Variants in WDR70 observed in about 807,000 individuals in gnomAD.
WDR70 encodes WD repeat-containing protein 70.
Under a neutral mutation model 88.6 loss-of-function variants are expected in WDR70, and 53 were observed. The observed-to-expected ratio is 0.60, with a 90% confidence interval of 0.48 to 0.75. The LOEUF (loss-of-function observed/expected upper bound fraction) is 0.75, where lower values mean the gene tolerates loss of function less well. Ranked by LOEUF, WDR70 falls within the 30% of genes least tolerant of loss-of-function variation. WDR70 has a pLI of 0.00. For synonymous variants in WDR70, 280 were observed against 270.0 expected (o/e 1.04, Z -0.36); for missense variants, 610 against 823.2 (o/e 0.74, Z 3.17).
intron 9 of WDR70, among the ~76,000 whole-genome samples, chr5:37,591,614 A>G (rs1188115566): frequency 6.6e-6 from 1 of 152,222 alleles, no homozygotes; most frequent in East Asian, 1.9e-4. Context: ...TACTTTAAGA[A>G]AGAAAAAATT....
rs1270636831 is a variant in WDR70, at chr5:37,721,224, T to TA, written c.1517+11dup. On this transcript the variant is annotated intron_variant, in intron 14 of 17. Coordinates refer to ENST00000265107, the MANE Select transcript of WDR70 (RefSeq NM_018034.4). ...CCCAACAAGAGTCAGAGGTATTTCATAAGTATTGCCTGTTTTAGATGGATG... is the reference window on the plus strand; with the variant it reads ...CCCAACAAGAGTCAGAGGTATTTCATAAAGTATTGCCTGTTTTAGATGGATG... The TA allele has an allele frequency of 1.2e-6, 2 of 1,612,212 alleles. No homozygotes were observed. The highest frequency in any genetic ancestry group is 1.7e-6 in the Non-Finnish European group (2 of 1,178,460).
chr5:37,483,515 C>T (rs769245048), intron 8 of WDR70, among the ~76,000 whole-genome samples: 16 of 152,248 alleles, frequency 1.1e-4, no homozygotes, highest in Admixed American at 2.0e-4. Flanking sequence ...TACACAGACA[C>T]GGCAACCATC....
At chr5:37,568,475 A>G (rs1460292256) in intron 9 of WDR70, among the ~76,000 whole-genome samples, 1 of 152,242 alleles carries the variant, frequency 6.6e-6, no homozygotes, top group Non-Finnish European at 1.5e-5. Flanking sequence ...AATAAACAAG[A>G]ATGCACTATA....
At chr5:37,745,866 C>T (rs1181035616) in intron 17 of WDR70, among the ~76,000 whole-genome samples, 4 of 151,960 alleles carry the variant, frequency 2.6e-5, no homozygotes, top group Admixed American at 6.6e-5. Flanking sequence ...GTTAGATCAA[C>T]GAGACAGAAA....
intron 9 of WDR70, among the ~76,000 whole-genome samples, chr5:37,533,458 C>CACT (rs145804557): frequency 1.5e-5 from 1 of 67,536 alleles, no homozygotes; most frequent in Non-Finnish European, 2.5e-5. Flanking sequence ...ACAAAACAAT[C>CACT]ACCACCACCA....
chr5:37,381,899 C>T (rs578124072), intron 3 of WDR70: 146 of 376,000 alleles, frequency 3.9e-4, no homozygotes, highest in Non-Finnish European at 6.5e-4. Flanking sequence ...ACTAAAAATA[C>T]AATAATTAGC....
chr5:37,475,646 C>A (rs978706748), intron 7 of WDR70, among the ~76,000 whole-genome samples: 2 of 152,134 alleles, frequency 1.3e-5, no homozygotes, highest in African/African-American at 4.8e-5. Flanking sequence ...AATTCACACT[C>A]TCCATATAAA....
At chr5:37,380,337 A>G (rs1748386536) in intron 2 of WDR70, among the ~76,000 whole-genome samples, 5 of 151,074 alleles carry the variant, frequency 3.3e-5, no homozygotes, top group Admixed American at 3.3e-4. Context: ...TAGTTTCTCT[A>G]TTCATTCTTT....
intron 7 of WDR70, among the ~76,000 whole-genome samples, chr5:37,477,855 C>G (rs1354613857): frequency 6.6e-6 from 1 of 152,144 alleles, no homozygotes; most frequent in African/African-American, 2.4e-5. Context: ...TTCTTGCTCA[C>G]CTGATTGAGT....
intron 9 of WDR70, among the ~76,000 whole-genome samples, chr5:37,551,303 T>TC (rs1262510314): frequency 1.4e-5 from 2 of 146,040 alleles, no homozygotes; most frequent in Non-Finnish European, 3.0e-5. Context: ...AAAACTTTGT[T>TC]CCCCCCCTCC....
intron 7 of WDR70, among the ~76,000 whole-genome samples, chr5:37,473,667 G>C (rs1276088306): frequency 6.6e-6 from 1 of 152,040 alleles, no homozygotes; most frequent in Non-Finnish European, 1.5e-5. Context: ...GTTGTCTTTT[G>C]ATATGTTTTA....
chr5:37,671,555 T>G (rs1388741345), intron 10 of WDR70, among the ~76,000 whole-genome samples: 1 of 152,210 alleles, frequency 6.6e-6, no homozygotes, highest in Non-Finnish European at 1.5e-5. Context: ...GCCCTAGGAC[T>G]AGTAATCTTT....
At chr5:37,724,909 A>T in intron 15 of WDR70, 25 bp from the exon 16 acceptor site, 1 of 1,604,808 alleles carries the variant, frequency 6.2e-7, no homozygotes, top group Non-Finnish European at 8.5e-7. Flanking sequence ...TTATAATGAA[A>T]TTTTTCAAAT....
chr5:37,382,792 C>T (rs192232611), intron 3 of WDR70, among the ~76,000 whole-genome samples: 42 of 152,196 alleles, frequency 2.8e-4, no homozygotes, highest in African/African-American at 9.9e-4. Context: ...GCAGGTGAAT[C>T]ACGTAAGGTC....
chr5:37,702,207 G>A (rs11955004), intron 12 of WDR70, among the ~76,000 whole-genome samples: 150,338 of 152,366 alleles, frequency 0.99, 74,196 homozygotes, highest in East Asian at 1. Context: ...ATGTTAAAAC[G>A]AACAAACATG....
chr5:37,450,959 C>T (rs1251901431), intron 7 of WDR70, among the ~76,000 whole-genome samples: 5 of 152,038 alleles, frequency 3.3e-5, no homozygotes, highest in Admixed American at 1.3e-4. Context: ...AGTGCAATGG[C>T]GTGATCTCGG....
intron 10 of WDR70, among the ~76,000 whole-genome samples, chr5:37,677,541 G>C (rs1328338420): frequency 6.6e-6 from 1 of 152,136 alleles, no homozygotes; most frequent in Non-Finnish European, 1.5e-5. Flanking sequence ...GTAGTTGAGC[G>C]GTTGTGAGTG....
chr5:37,693,678 T>C (rs1191099793), intron 10 of WDR70, among the ~76,000 whole-genome samples: 1 of 152,206 alleles, frequency 6.6e-6, no homozygotes, highest in African/African-American at 2.4e-5. Flanking sequence ...ACTGGATCCC[T>C]TCCTTACACC....
At chr5:37,620,029 G>A (rs985061139) in intron 10 of WDR70, 2 of 150,274 alleles carry the variant, frequency 1.3e-5, no homozygotes, top group African/African-American at 4.9e-5. Context: ...TTCTTGCACA[G>A]GGGCCATGGT....
Sources: allele counts gnomAD v4.1 joint callset (sites outside exome capture counted in the v4.1 genomes callset), GRCh38; gene constraint gnomAD v4.1.1; transcripts MANE v1.5; gene names NCBI Gene and HGNC (gene_info 2026-07-23, HGNC 2026-07-21).